Variants in NLRP9 observed in about 807,000 individuals in gnomAD.
NLRP9 encodes NACHT, LRR and PYD domains-containing protein 9.
A neutral mutation model predicts 83.1 loss-of-function variants in NLRP9; 88 were observed. The observed-to-expected ratio is 1.06, with a 90% CI of 0.89 to 1.26. The LOEUF is 1.26. Among genes scored for constraint, NLRP9 ranks in the 50% most tolerant of loss-of-function variants. NLRP9 has a pLI of 0.00. For synonymous variants in NLRP9, 521 were observed against 447.6 expected, an observed-to-expected ratio of 1.16 and a Z score of -2.07; for missense variants, 1,308 against 1,179.3, an observed-to-expected ratio of 1.11 and a Z score of -1.60.
In NLRP9 at chr19:55,738,215, C is replaced by A; in HGVS notation, c.160G>T (p.Asp54Tyr). The change falls in exon 1 of 9, where the codon GAT (aspartate) becomes TAT (tyrosine). Residue 54 changes from aspartate (D) to tyrosine (Y), a missense_variant. Transcript: ENST00000332836. The stretch of plus-strand genomic sequence containing the variant: ...TGTTTGTCCAGCAGCTTTGCTACAT[C>A]TTCTTTGGAGGCCTTCTTCAGCTCA... The part of the protein sequence containing the change: ...WAELKKASKE[D>Y]VAKLLDKHYP... 6.2e-7 allele frequency: 1 copy of A among 1,614,180 alleles called. No individual in the cohort carries two copies. The highest frequency in any genetic ancestry group is 1.6e-4 in the Middle Eastern group (1 of 6,062).
At chr19:55,721,606 G>A (rs1988227491) in intron 4 of NLRP9, among the ~76,000 whole-genome samples, 1 of 152,112 alleles carries the variant, frequency 6.6e-6, no homozygotes, top group Admixed American at 6.5e-5. Context: ...TGTTGTTGGG[G>A]AGCTGTCCTG....
chr19:55,734,645 T>G (rs1238400894), intron 1 of NLRP9, among the ~76,000 whole-genome samples: 1 of 150,090 alleles, frequency 6.7e-6, no homozygotes, highest in Non-Finnish European at 1.5e-5. Context: ...ATATTTTTTT[T>G]TTTTTTGAGA....
chr19:55,722,549 CAA>C (rs1001828331), intron 4 of NLRP9, among the ~76,000 whole-genome samples: 46 of 152,280 alleles, frequency 3.0e-4, no homozygotes, highest in African/African-American at 1.1e-3. Flanking sequence ...ACTGCAAAGA[CAA>C]GACAGTGAAC....
chr19:55,715,607 C>G lies in NLRP9; in HGVS notation c.2331-382G>C, dbSNP rs979088738. ...GCTGAGGCAGGAGAATCGCTTGAAC[C>G]CAGGAGGCGGAGGTTGCTGTGAGCT... On this transcript the variant is annotated intron_variant, in intron 5 of 8. Transcript: ENST00000332836. Among the ~76,000 whole-genome samples, 7 of 152,266 alleles carry G rather than the reference C, an allele frequency of 4.6e-5. No individual in the cohort carries two copies. The East Asian group carries it at 1.4e-3, about 29-fold the overall frequency.
At chr19:55,709,207 G>T in intron 8 of NLRP9, 163 bp from the exon 9 acceptor site, 1 of 479,286 alleles carries the variant, frequency 2.1e-6, no homozygotes, top group Non-Finnish European at 3.6e-6. Flanking sequence ...TTTCCTATAG[G>T]ATAGGAAGCC....
chr19:55,723,846 G>C, intron 4 of NLRP9, 134 bp downstream of exon 4: 5 of 676,610 alleles, frequency 7.4e-6, no homozygotes, highest in Non-Finnish European at 1.2e-5. Flanking sequence ...TTATGAGAGA[G>C]ACAGATTCAA....
intron 7 of NLRP9, among the ~76,000 whole-genome samples, chr19:55,712,189 G>A (rs73615245): frequency 0.062 from 9,424 of 152,140 alleles, 355 homozygotes; most frequent in East Asian, 0.16. Flanking sequence ...GTCCAGGGGC[G>A]CTGCTAAAGA....
At chr19:55,718,569 G>C (rs760234343) in intron 4 of NLRP9, among the ~76,000 whole-genome samples, 1 of 150,482 alleles carries the variant, frequency 6.6e-6, no homozygotes, top group East Asian at 1.9e-4. Context: ...TCTAGCCTAC[G>C]TGCACATACG....
intron 3 of NLRP9, among the ~76,000 whole-genome samples, chr19:55,726,440 G>C (rs1003250253): frequency 1.3e-5 from 2 of 152,126 alleles, no homozygotes; most frequent in South Asian, 2.1e-4. Flanking sequence ...AGAAGCCTGG[G>C]CTCATTCCTT....
rs764987634 is a variant in NLRP9, at chr19:55,733,400, C to G, written c.431G>C (p.Arg144Thr). 6.2e-7 allele frequency: 1 copy of G among 1,614,126 alleles called. No homozygotes were observed. Among genetic ancestry groups the G allele is most frequent in the Non-Finnish European group, 8.5e-7 (1 of 1,180,024 alleles). Residue 144 changes from arginine to threonine, a missense_variant, in exon 2 of 9, where the codon AGA (arginine) becomes ACA (threonine). Physicochemically the swap from Arg to Thr is moderately conservative, Grantham distance 71. Coordinates refer to ENST00000332836, the MANE Select transcript of NLRP9 (RefSeq NM_176820.4). ...ELNDAYTAAARRHTVVLEGPD... is the reference protein window; with the variant it reads ...ELNDAYTAAATRHTVVLEGPD... ...ACCTTCCAGGACCACAGTGTGTCGT[C>G]TAGCCGCAGCAGTATATGCGTCATT...
intron 7 of NLRP9, 24 bp downstream of exon 7, chr19:55,712,396 C>A: frequency 1.3e-6 from 2 of 1,586,922 alleles, no homozygotes; most frequent in Non-Finnish European, 1.7e-6. Context: ...AATTTTCCTA[C>A]GATGGTGATC....
rs757852004 is a variant in NLRP9 at position 55,715,197 on chromosome 19, A to G, written c.2359T>C (p.Ser787Pro). The G allele has an allele frequency of 1.9e-6, 3 of 1,613,274 alleles. No homozygotes were observed. The East Asian group carries it at 6.7e-5, about 36-fold the overall frequency. Residue 787 changes from serine (S) to proline (P), a missense_variant, in exon 6 of 9, where the codon TCC becomes CCC. Coordinates refer to ENST00000332836, the MANE Select transcript of NLRP9 (RefSeq NM_176820.4). ...AGGACTTCGGAAATGGAGTCACAGGAGACAGAGGTGAGACAGCAGTACATC... is the reference window on the plus strand; with the variant it reads ...AGGACTTCGGAAATGGAGTCACAGGGGACAGAGGTGAGACAGCAGTACATC... ...MLMYCCLTSV[S>P]CDSISEVLLC...
chr19:55,716,171 A>G (rs942783175), intron 5 of NLRP9, among the ~76,000 whole-genome samples: 1 of 152,048 alleles, frequency 6.6e-6, no homozygotes, highest in East Asian at 1.9e-4. Flanking sequence ...TAGCTTGATT[A>G]TAGTAATCAT....
At chr19:55,718,504 T>A (rs1988107282) in intron 4 of NLRP9, among the ~76,000 whole-genome samples, 1 of 152,262 alleles carries the variant, frequency 6.6e-6, no homozygotes, top group African/African-American at 2.4e-5. Context: ...CTGGCAGCAA[T>A]ACTGCTCTGT....
intron 3 of NLRP9, among the ~76,000 whole-genome samples, chr19:55,726,159 T>A (rs1988396824): frequency 6.6e-6 from 1 of 152,036 alleles, no homozygotes; most frequent in Admixed American, 6.6e-5. Context: ...AGCACCGGGA[T>A]TGGTTAGCTA....
At chr19:55,726,463 C>T (rs1988406865) in intron 3 of NLRP9, among the ~76,000 whole-genome samples, 1 of 152,098 alleles carries the variant, frequency 6.6e-6, no homozygotes, top group African/African-American at 2.4e-5. Context: ...ACTTTGAGTC[C>T]AATGCCTCCC....
intron 4 of NLRP9, 66 bp from the exon 5 acceptor site, chr19:55,716,964 A>G: frequency 7.6e-7 from 1 of 1,308,506 alleles, no homozygotes; most frequent in Non-Finnish European, 1.1e-6. Flanking sequence ...CATTATCCAC[A>G]GACCAAACGA....
In NLRP9 at chr19:55,711,961, C is replaced by G. The variant is rs760040205; in HGVS notation, c.2682G>C (p.Thr894=). ...HCKLECLGLQ[T]CPITRACCDD... ...CGCAGCAGGCACGGGTGATCGGACA[C>G]GTTTGCAGCCTGCAAAAGGGAAACA... The change falls in exon 8 of 9, where the codon ACG becomes ACC. Residue 894 remains threonine (T), a synonymous_variant. Transcript: ENST00000332836. The G allele has an allele frequency of 3.7e-6, 6 of 1,612,052 alleles. No individual in the cohort carries two copies. In the African/African-American group the frequency reaches 6.7e-5, roughly 18 times the overall value.
In NLRP9 at chr19:55,732,300, A is replaced by G; in HGVS notation, c.1531T>C (p.Phe511Leu). 1 of 1,614,244 alleles carries G rather than the reference A, an allele frequency of 6.2e-7. No homozygotes were observed. The highest frequency in any genetic ancestry group is 1.1e-5 in the South Asian group (1 of 91,088). Residue 511 changes from phenylalanine (F) to leucine (L), a missense_variant, in exon 2 of 9, where the codon TTT becomes CTT. Physicochemically the swap from Phe to Leu is conservative, Grantham distance 22. Coordinates refer to ENST00000332836, the MANE Select transcript of NLRP9 (RefSeq NM_176820.4). ...AGGTCTTTTGACAGTGGAAAACCAA[A>G]GGAGGTCTCCAGCATGCTGACGATT... ...EEIVSMLETS[F>L]GFPLSKDLKQ...
Sources: gnomAD v4.1 joint callset for allele counts (sites outside exome capture counted in the v4.1 genomes callset) on GRCh38, gnomAD v4.1.1 for gene constraint, MANE v1.5 for transcripts, NCBI Gene and HGNC (gene_info 2026-07-23, HGNC 2026-07-21) for gene names.